Variants in TRMT1 observed in about 807,000 individuals in gnomAD.
The protein encoded by TRMT1 is tRNA (guanine(26)-N(2))-dimethyltransferase.
Under a neutral mutation model 75.4 loss-of-function variants are expected in TRMT1, and 63 were observed. That is an observed-to-expected ratio of 0.84 (90% confidence interval 0.68 to 1.03). The LOEUF (loss-of-function observed/expected upper bound fraction) is 1.03. Ranked by LOEUF, TRMT1 falls within the 50% of genes least tolerant of loss-of-function variation. TRMT1 has a pLI of 0.00. For missense variants in TRMT1, 870 were observed against 905.3 expected (o/e 0.96, Z 0.50); for synonymous variants, 382 against 358.1 (o/e 1.07, Z -0.75).
chr19:13,115,146 TGACA>T (rs2019288281), intron 5 of TRMT1, 129 bp downstream of exon 5: 1 of 973,076 alleles, frequency 1.0e-6, no homozygotes, highest in East Asian at 2.6e-5. Flanking sequence ...TTTTCTCAGT[TGACA>T]GACAAGGAAA....
In TRMT1 at chr19:13,113,048, G is replaced by A. The variant is rs372669345; in HGVS notation, c.642-37C>T. On this transcript the variant is annotated intron_variant, in intron 5 of 16. Transcript: ENST00000357720. Reference sequence around the variant, plus strand: ...GAGGGCCAGGTCCTCAGCCTCCCACGCCAGGTACCTTCTCTGTCCCCTACA... The same window carrying A: ...GAGGGCCAGGTCCTCAGCCTCCCACACCAGGTACCTTCTCTGTCCCCTACA... The A allele has an allele frequency of 1.3e-4, 202 of 1,528,542 alleles. No homozygotes were observed. In the South Asian group the frequency reaches 2.2e-3, roughly 17 times the overall value. The allele number at this position is 1,528,542 out of a possible 1,614,324, so 94.7% of individuals were successfully genotyped here.
intron 5 of TRMT1, among the ~76,000 whole-genome samples, chr19:13,113,494 A>G (rs1481235249): frequency 6.6e-6 from 1 of 151,822 alleles, no homozygotes; most frequent in East Asian, 1.9e-4. Flanking sequence ...CAATTTTCCT[A>G]CTTAGGAAAA....
At chr19:13,110,733 TG>T (rs998139022) in intron 7 of TRMT1, among the ~76,000 whole-genome samples, 73 of 152,036 alleles carry the variant, frequency 4.8e-4, no homozygotes, top group African/African-American at 1.7e-3. Context: ...TTTGGGAGGC[TG>T]GTCAGGAGTT....
chr19:13,109,969 C>T lies in TRMT1; in HGVS notation c.1052G>A (p.Cys351Tyr). 1 of 1,613,756 alleles carries T rather than the reference C, an allele frequency of 6.2e-7. No homozygotes were observed. The highest frequency in any genetic ancestry group is 8.5e-7 in the Non-Finnish European group (1 of 1,179,944). Residue 351 changes from cysteine (C) to tyrosine (Y), a missense_variant, in exon 9 of 17, where the codon TGC becomes TAC. By Grantham distance (194) the Cys-to-Tyr change is radical (BLOSUM62 -2). Coordinates refer to ENST00000357720, the MANE Select transcript of TRMT1 (RefSeq NM_001136035.4). ...GAGACGCTGAAGGTGGAAGGCCCCG[C>T]AGCCCACACACTGGAACACCAGCGC... Reference protein sequence around the residue: ...KQALVFQCVGCGAFHLQRLGK... With the variant: ...KQALVFQCVGYGAFHLQRLGK...
Position 13,112,962 on chromosome 19 carries a change from C to A in TRMT1, c.691G>T (p.Asp231Tyr). The stretch of plus-strand genomic sequence containing the variant: ...GCTGGGCTGCCATAGGGGTCCAGAT[C>A]GATGACGTCAAACCTCTCCGACACC... ...QRVSERFDVI[D>Y]LDPYGSPATF... Residue 231 changes from aspartate (D) to tyrosine (Y), a missense_variant, in exon 6 of 17, where the codon GAT (aspartate) becomes TAT (tyrosine). Coordinates refer to ENST00000357720, the MANE Select transcript of TRMT1 (RefSeq NM_001136035.4). 1.9e-6 allele frequency: 3 copies of A among 1,613,894 alleles called. No homozygotes were observed. Among genetic ancestry groups the A allele is most frequent in the Non-Finnish European group, 2.5e-6 (3 of 1,179,900 alleles).
At chr19:13,111,425 C>T (rs1315846357) in intron 7 of TRMT1, among the ~76,000 whole-genome samples, 2 of 150,854 alleles carry the variant, frequency 1.3e-5, no homozygotes, top group African/African-American at 4.9e-5. Context: ...CTCTTGTTGC[C>T]CAGGCTGGAG....
rs1599963932 is a variant in TRMT1 at position 13,115,985 on chromosome 19, A to T, written c.310+12T>A. On this transcript the variant is annotated intron_variant, in intron 3 of 16. Coordinates refer to ENST00000357720, the MANE Select transcript of TRMT1 (RefSeq NM_001136035.4). ...TGACCCCCGCCCACCAGAAGCCTGGACCTCCACTCACTCTGGATTCCTTTG... is the reference window on the plus strand; with the variant it reads ...TGACCCCCGCCCACCAGAAGCCTGGTCCTCCACTCACTCTGGATTCCTTTG... 1 of 1,613,778 alleles carries T rather than the reference A, an allele frequency of 6.2e-7. No homozygotes were observed. Among genetic ancestry groups the T allele is most frequent in the East Asian group, 2.2e-5 (1 of 44,862 alleles).
At chr19:13,108,675 TG>T (rs2018988376) in intron 12 of TRMT1, among the ~76,000 whole-genome samples, 1 of 152,002 alleles carries the variant, frequency 6.6e-6, no homozygotes, top group Admixed American at 6.6e-5. Flanking sequence ...GGCGCAATCT[TG>T]GCTCACCACC....
intron 14 of TRMT1, among the ~76,000 whole-genome samples, chr19:13,106,202 G>A (rs531990349): frequency 6.6e-6 from 1 of 152,202 alleles, no homozygotes; most frequent in African/African-American, 2.4e-5. Flanking sequence ...CTGAGTAGCT[G>A]GGACGACAGG....
chr19:13,115,638 C>T lies in TRMT1; in HGVS notation c.441G>A (p.Gly147=). 6.2e-7 allele frequency: 1 copy of T among 1,614,002 alleles called. No homozygotes were observed. The highest frequency in any genetic ancestry group is 8.5e-7 in the Non-Finnish European group (1 of 1,180,014). Residue 147 remains glycine, a synonymous_variant, in exon 4 of 17, where the codon GGG becomes GGA. Transcript: ENST00000357720. ...GCTCAGGCCCCACCTCACAGATCTC[C>T]CCCACGGCCGCTGTGCGAGGTTGGT... ...SGDQPRTAAV[G]EICEEGLHVL...
rs2018828066 is a variant in TRMT1 at position 13,105,570 on chromosome 19, G to T, written c.1620C>A (p.Asn540Lys). The change falls in exon 15 of 17, where the codon AAC becomes AAA. Residue 540 changes from asparagine to lysine, a missense_variant. Transcript: ENST00000357720. Reference sequence around the variant, plus strand: ...TGAGTCCTCGCTGTCGGGAGCTGGGGTTGGCATCTTCCCGGATGGTGAAGT... The same window carrying T: ...TGAGTCCTCGCTGTCGGGAGCTGGGTTTGGCATCTTCCCGGATGGTGAAGT... ...QANFTIREDA[N>K]PSSRQRGLKR... 1 of 1,613,980 alleles carries T rather than the reference G, an allele frequency of 6.2e-7. No individual in the cohort carries two copies. Among genetic ancestry groups the T allele is most frequent in the Non-Finnish European group, 8.5e-7 (1 of 1,180,020 alleles).
At chr19:13,111,247 A>G (rs1163532806) in intron 7 of TRMT1, among the ~76,000 whole-genome samples, 2 of 151,882 alleles carry the variant, frequency 1.3e-5, no homozygotes, top group East Asian at 1.9e-4. Context: ...GGTCCTCGCT[A>G]TGTTGCCCAG....
chr19:13,110,446 C>T (rs922400323), intron 7 of TRMT1, 140 bp from the exon 8 acceptor site: 8 of 986,014 alleles, frequency 8.1e-6, no homozygotes, highest in Non-Finnish European at 1.2e-5. Context: ...GGCTGTGGGA[C>T]CCTCAACAAG....
chr19:13,110,552 G>C (rs1275121407), intron 7 of TRMT1, among the ~76,000 whole-genome samples: 1 of 152,246 alleles, frequency 6.6e-6, no homozygotes, highest in African/African-American at 2.4e-5. Context: ...AGTGAGGAAA[G>C]CATAGATCCA....
chr19:13,112,236 G>A (rs1250082021), intron 7 of TRMT1, among the ~76,000 whole-genome samples: 1 of 150,150 alleles, frequency 6.7e-6, no homozygotes, highest in Non-Finnish European at 1.5e-5. Context: ...TGATCCACCT[G>A]CCTAGGCCTC....
intron 14 of TRMT1, among the ~76,000 whole-genome samples, chr19:13,106,366 C>A (rs2018867887): frequency 6.6e-6 from 1 of 152,166 alleles, no homozygotes. Flanking sequence ...GCCACCATGC[C>A]TGGCCTTAAT....
rs1032370430 is a variant in TRMT1 at position 13,110,421 on chromosome 19, A to G, written c.871-115T>C. 3.1e-6 allele frequency: 4 copies of G among 1,279,144 alleles called. No individual in the cohort carries two copies. The African/African-American group carries it at 6.0e-5, about 19-fold the overall frequency. The allele number at this position is 1,279,144 out of a possible 1,614,324, so 79.2% of individuals were successfully genotyped here. A position where few individuals can be genotyped will look rare whatever the true frequency, so the allele number is the denominator to read the frequency against. Reference sequence around the variant, plus strand: ...GGCCAGCTCCCTGGGATCCAAGCCCACCCCTGAAAGTCCTGGCTGTGGGAC... The same window carrying G: ...GGCCAGCTCCCTGGGATCCAAGCCCGCCCCTGAAAGTCCTGGCTGTGGGAC... On this transcript the variant is annotated intron_variant, in intron 7 of 16. Transcript: ENST00000357720.
chr19:13,110,320 G>C lies in TRMT1; in HGVS notation c.871-14C>G. The C allele has an allele frequency of 7.0e-6, 5 of 712,002 alleles. No individual in the cohort carries two copies. Among genetic ancestry groups the C allele is most frequent in the Non-Finnish European group, 1.2e-5 (5 of 404,944 alleles). The allele number at this position is 712,002 out of a possible 1,614,324, so 44.1% of individuals were successfully genotyped here. On this transcript the variant is annotated splice_polypyrimidine_tract_variant and intron_variant, in intron 7 of 16. Transcript: ENST00000357720. ...GATTCTCAGGGCCTGGGGGTGGGGGGTGGGTGTCAGCCTCCCCTCCACTAT... is the reference window on the plus strand; with the variant it reads ...GATTCTCAGGGCCTGGGGGTGGGGGCTGGGTGTCAGCCTCCCCTCCACTAT...
rs370820063 is a variant in TRMT1, at chr19:13,115,701, C to T, written c.378G>A (p.Lys126=). 11 of 1,614,094 alleles carry T rather than the reference C, an allele frequency of 6.8e-6. No homozygotes were observed. The highest frequency in any genetic ancestry group is 2.2e-5 in the East Asian group (1 of 44,878). ...VVDLSEQEEE[K]VELKESENLA... ...GGTTTTCACTCTCTTTCAGTTCAACCTTTTCCTCCTCTTGCTCTGACAAGT... is the reference window on the plus strand; with the variant it reads ...GGTTTTCACTCTCTTTCAGTTCAACTTTTTCCTCCTCTTGCTCTGACAAGT... Residue 126 remains lysine (K), a synonymous_variant, in exon 4 of 17, where the codon AAG becomes AAA. Transcript: ENST00000357720.
Sources: allele counts gnomAD v4.1 joint callset (sites outside exome capture counted in the v4.1 genomes callset), GRCh38; gene constraint gnomAD v4.1.1; transcripts MANE v1.5; gene names NCBI Gene and HGNC (gene_info 2026-07-23, HGNC 2026-07-21).